Variants in UGT1A10 observed in about 807,000 individuals in gnomAD.
UGT1A10 encodes UDP glucuronosyltransferase family 1 member A10, also known as UDP-glucuronosyltransferase 1A10.
In UGT1A10, 49 loss-of-function variants were observed where a neutral mutation model predicts 45.8. That is an observed-to-expected ratio of 1.07 (90% CI 0.85 to 1.36). UGT1A10 has a LOEUF of 1.36. Ranked by LOEUF, UGT1A10 falls within the 40% of genes most tolerant of loss-of-function variation. UGT1A10 has a pLI of 0.00. For synonymous variants in UGT1A10, 284 were observed against 249.7 expected, an observed-to-expected ratio of 1.14 and a Z score of -1.29; for missense variants, 745 against 668.6, an observed-to-expected ratio of 1.11 and a Z score of -1.26.
intron 1 of UGT1A10, chr2:233,761,147 C>T (rs1264463667): frequency 1.4e-5 from 23 of 1,614,204 alleles, no homozygotes; most frequent in Non-Finnish European, 1.8e-5. Context: ...AATCCACTAT[C>T]CCAGGTGTGT....
chr2:233,750,221 T>C (rs1694392480), intron 1 of UGT1A10, among the ~76,000 whole-genome samples: 1 of 151,858 alleles, frequency 6.6e-6, no homozygotes, highest in Non-Finnish European at 1.5e-5. Context: ...CAGATGGAGA[T>C]GAGGAACTTA....
At chr2:233,748,299 A>G (rs891574049) in intron 1 of UGT1A10, among the ~76,000 whole-genome samples, 4 of 151,748 alleles carry the variant, frequency 2.6e-5, no homozygotes, top group African/African-American at 9.7e-5. Flanking sequence ...ATGAATGTTT[A>G]TCAAAGGATG....
chr2:233,647,447 G>A (rs2073634059), intron 1 of UGT1A10, among the ~76,000 whole-genome samples: 1 of 152,190 alleles, frequency 6.6e-6, no homozygotes, highest in Admixed American at 6.5e-5. Flanking sequence ...GGACTAGATT[G>A]TGAGAAATTG....
rs763644438 is a variant in UGT1A10 at position 233,767,047 on chromosome 2, ACATTAATGCTTC to A, written c.870_881del (p.Ile291_Ser294del). The A allele has an allele frequency of 7.4e-6, 12 of 1,614,036 alleles. No homozygotes were observed. The highest frequency in any genetic ancestry group is 9.3e-6 in the Non-Finnish European group (11 of 1,180,022). The stretch of plus-strand genomic sequence containing the variant: ...TTCTGGCTCTAGGAATTTGAAGCCT[ACATTAATGCTTC>A]TGGAGAACATGGAATTGTGGTTTTC... On this transcript the variant is annotated inframe_deletion, in exon 2 of 5. Coordinates refer to ENST00000344644, the MANE Select transcript of UGT1A10 (RefSeq NM_019075.4).
chr2:233,746,532 C>T (rs1693419043), intron 1 of UGT1A10, among the ~76,000 whole-genome samples: 1 of 151,756 alleles, frequency 6.6e-6, no homozygotes, highest in South Asian at 2.1e-4. Context: ...CATATTGCTG[C>T]CCTGCTGTGT....
Position 233,700,889 on chromosome 2 carries a change from C to G in UGT1A10, c.855+63512C>G, listed in dbSNP as rs540334634. Among the ~76,000 whole-genome samples, 10 of 151,694 alleles carry G rather than the reference C, an allele frequency of 6.6e-5. No individual in the cohort carries two copies. In the South Asian group the frequency reaches 2.1e-3, roughly 32 times the overall value. On this transcript the variant is annotated intron_variant, in intron 1 of 4. Coordinates refer to ENST00000344644, the MANE Select transcript of UGT1A10 (RefSeq NM_019075.4). Reference sequence around the variant, plus strand: ...CCTCCCTCCTCCCCCCACCCCACAACAGTCCCCGGTGTGTGACGTTCCTCT... The same window carrying G: ...CCTCCCTCCTCCCCCCACCCCACAAGAGTCCCCGGTGTGTGACGTTCCTCT...
intron 1 of UGT1A10, among the ~76,000 whole-genome samples, chr2:233,727,898 G>T (rs1417233158): frequency 6.6e-6 from 1 of 152,198 alleles, no homozygotes; most frequent in Admixed American, 6.5e-5. Flanking sequence ...ACACGGCCAG[G>T]CAAGAAGACA....
chr2:233,742,539 ATGGCCAGTTTAGGGGCCAGCTTC>A (rs1692013291), intron 1 of UGT1A10, among the ~76,000 whole-genome samples: 1 of 151,860 alleles, frequency 6.6e-6, no homozygotes, highest in African/African-American at 2.4e-5. Flanking sequence ...GATTTTGTTT[ATGGCCAGTTTAGGGGCCAGCTTC>A]TGGCCGGAAT....
chr2:233,672,390 C>G, intron 1 of UGT1A10: 2 of 1,614,076 alleles, frequency 1.2e-6, no homozygotes, highest in South Asian at 2.2e-5. Flanking sequence ...CTTTTGATAA[C>G]TGTGGCTTAA....
At chr2:233,736,121 A>G (rs1050675156) in intron 1 of UGT1A10, among the ~76,000 whole-genome samples, 2 of 152,066 alleles carry the variant, frequency 1.3e-5, no homozygotes, top group African/African-American at 4.8e-5. Context: ...ACTTGTTTCC[A>G]TTCTCCGCAT....
intron 1 of UGT1A10, among the ~76,000 whole-genome samples, chr2:233,660,268 A>G (rs957421205): frequency 6.6e-6 from 1 of 152,174 alleles, no homozygotes; most frequent in Non-Finnish European, 1.5e-5. Context: ...AGTGTTGACA[A>G]TCCTTTCCAT....
chr2:233,720,872 T>TTG (rs71694891), intron 1 of UGT1A10, among the ~76,000 whole-genome samples: 1 of 39,450 alleles, frequency 2.5e-5, no homozygotes, highest in African/African-American at 3.2e-4. Flanking sequence ...CTCCTGGCAA[T>TTG]TTTTTTTTTT....
intron 1 of UGT1A10, chr2:233,719,738 A>T (rs1455420769): frequency 1.7e-5 from 27 of 1,613,220 alleles, no homozygotes; most frequent in Non-Finnish European, 2.2e-5. Flanking sequence ...AACACTTTTT[A>T]AAAAATGTAT....
At chr2:233,663,275 C>T (rs532535432) in intron 1 of UGT1A10, among the ~76,000 whole-genome samples, 43 of 152,210 alleles carry the variant, frequency 2.8e-4, no homozygotes, top group East Asian at 2.7e-3. Flanking sequence ...TGTGGTAGAC[C>T]GGAGTTTTAT....
At chr2:233,665,430 A>T (rs900844109) in intron 1 of UGT1A10, among the ~76,000 whole-genome samples, 7 of 152,168 alleles carry the variant, frequency 4.6e-5, no homozygotes, top group Non-Finnish European at 1.0e-4. Flanking sequence ...CTCTCATTGA[A>T]CCCTGACTGC....
chr2:233,752,556 A>C (rs1374384067), intron 1 of UGT1A10: 1 of 152,204 alleles, frequency 6.6e-6, no homozygotes, highest in Non-Finnish European at 1.5e-5. Context: ...TTGCTGGGAC[A>C]ACATAGTGGG....
At chr2:233,746,988 A>C (rs1194642713) in intron 1 of UGT1A10, among the ~76,000 whole-genome samples, 1 of 151,882 alleles carries the variant, frequency 6.6e-6, no homozygotes, top group Non-Finnish European at 1.5e-5. Context: ...GCGCAGGGTC[A>C]GATGAGTTTT....
intron 1 of UGT1A10, among the ~76,000 whole-genome samples, chr2:233,690,345 T>G (rs7563561): frequency 0.39 from 59,795 of 152,000 alleles, 11,945 homozygotes; most frequent in South Asian, 0.45. Flanking sequence ...CTGAAAGAGT[T>G]AGCACCTTAG....
Position 233,636,468 on chromosome 2 carries a change from T to C in UGT1A10, c.-55T>C. The C allele has an allele frequency of 6.4e-7, 1 of 1,564,914 alleles. No homozygotes were observed. Among genetic ancestry groups the C allele is most frequent in the South Asian group, 1.2e-5 (1 of 82,450 alleles). ...GTTTTGTGCCTGTACTTCTTCCGCC[T>C]ACTGTATCATAGCAGCTTAGAATCC... On this transcript the variant is annotated 5_prime_UTR_variant, in exon 1 of 5. Coordinates refer to ENST00000344644, the MANE Select transcript of UGT1A10 (RefSeq NM_019075.4).
Sources: gnomAD v4.1 joint callset for allele counts (sites outside exome capture counted in the v4.1 genomes callset) on GRCh38, gnomAD v4.1.1 for gene constraint, MANE v1.5 for transcripts, NCBI Gene and HGNC (gene_info 2026-07-23, HGNC 2026-07-21) for gene names.